DSCAM: variants seen among roughly 807,000 people sequenced by gnomAD.
DSCAM encodes DS cell adhesion molecule, also known as cell adhesion molecule DSCAM.
A neutral mutation model predicts 217.7 loss-of-function variants in DSCAM; 47 were observed. The ratio of observed to expected loss-of-function variants is 0.22; its 90% CI spans 0.17 to 0.28. DSCAM has a LOEUF of 0.28. Among genes scored for constraint, DSCAM ranks in the 10% least tolerant of loss-of-function variants. The pLI is 1.00. For missense variants in DSCAM, 2,080 were observed against 2,618.3 expected, an observed-to-expected ratio of 0.79 and a Z score of 4.49; for synonymous variants, 1,056 against 1,015.3, an observed-to-expected ratio of 1.04 and a Z score of -0.76.
intron 1 of DSCAM, among the ~76,000 whole-genome samples, chr21:40,750,509 TCA>T (rs1396116188): frequency 1.3e-5 from 2 of 152,136 alleles, no homozygotes; most frequent in African/African-American, 2.4e-5. Flanking sequence ...CTCTTTGTAC[TCA>T]CTCCCTTTCT....
intron 3 of DSCAM, among the ~76,000 whole-genome samples, chr21:40,563,727 T>C (rs1176440640): frequency 1.4e-5 from 2 of 147,260 alleles, no homozygotes; most frequent in Non-Finnish European, 3.0e-5. Flanking sequence ...TTTATATATG[T>C]TTATATGTTT....
intron 1 of DSCAM, among the ~76,000 whole-genome samples, chr21:40,828,657 T>TG: frequency 1.4e-5 from 1 of 71,206 alleles, no homozygotes; most frequent in East Asian, 4.5e-4. Context: ...CACCCCACCC[T>TG]CTTTTTTTTT....
intron 32 of DSCAM, among the ~76,000 whole-genome samples, chr21:40,018,798 C>T (rs1165198664): frequency 2.0e-5 from 3 of 152,208 alleles, no homozygotes; most frequent in Non-Finnish European, 4.4e-5. Context: ...ATGGAAACAG[C>T]TCAGTGTTAC....
At chr21:40,736,378 CA>C (rs1360658988) in intron 1 of DSCAM, among the ~76,000 whole-genome samples, 3 of 152,088 alleles carry the variant, frequency 2.0e-5, no homozygotes, top group Non-Finnish European at 4.4e-5. Context: ...CTCCAAAAGT[CA>C]GGGGGTAAGC....
At chr21:40,689,064 A>C (rs2090512869) in intron 3 of DSCAM, among the ~76,000 whole-genome samples, 1 of 152,102 alleles carries the variant, frequency 6.6e-6, no homozygotes. Context: ...CACTCATTAA[A>C]CCCTGACAAA....
At chr21:40,201,433 A>G (rs778984698) in intron 11 of DSCAM, among the ~76,000 whole-genome samples, 10 of 151,984 alleles carry the variant, frequency 6.6e-5, no homozygotes, top group Admixed American at 2.0e-4. Flanking sequence ...TTGCCCAATA[A>G]GAAAGCTTCT....
At chr21:40,593,244 A>C (rs2076996916) in intron 3 of DSCAM, among the ~76,000 whole-genome samples, 1 of 151,944 alleles carries the variant, frequency 6.6e-6, no homozygotes, top group South Asian at 2.1e-4. Flanking sequence ...ATAAAGGCCA[A>C]ACTCCTAGAC....
At chr21:40,794,895 A>AG (rs1317488615) in intron 1 of DSCAM, among the ~76,000 whole-genome samples, 14 of 142,858 alleles carry the variant, frequency 9.8e-5, no homozygotes, top group Admixed American at 7.9e-4. Context: ...ATTGAAAAAA[A>AG]AAAAGTACCT....
chr21:40,252,733 A>C (rs1299250924), intron 11 of DSCAM, among the ~76,000 whole-genome samples: 1 of 152,170 alleles, frequency 6.6e-6, no homozygotes, highest in Non-Finnish European at 1.5e-5. Flanking sequence ...TCAAAGTATC[A>C]CATCCTTAAA....
At chr21:40,544,544 C>A (rs2076566570) in intron 3 of DSCAM, among the ~76,000 whole-genome samples, 1 of 152,096 alleles carries the variant, frequency 6.6e-6, no homozygotes, top group Admixed American at 6.5e-5. Context: ...GGCACAGATT[C>A]AAGTGATACG....
At chr21:40,476,929 A>G (rs2145979051) in intron 3 of DSCAM, among the ~76,000 whole-genome samples, 1 of 152,310 alleles carries the variant, frequency 6.6e-6, no homozygotes, top group South Asian at 2.1e-4. Context: ...TGTGACCATA[A>G]TTTTGCAAGC....
chr21:40,709,047 CCT>C (rs2090748803), intron 1 of DSCAM, among the ~76,000 whole-genome samples: 1 of 152,104 alleles, frequency 6.6e-6, no homozygotes, highest in African/African-American at 2.4e-5. Context: ...TGCCCCAAAC[CCT>C]GTTCTCTCCC....
At chr21:40,301,596 A>G (rs923396503) in intron 9 of DSCAM, among the ~76,000 whole-genome samples, 2 of 152,214 alleles carry the variant, frequency 1.3e-5, no homozygotes, top group Non-Finnish European at 2.9e-5. Context: ...TACTTACCAT[A>G]GCCTTTATTA....
chr21:40,788,373 G>C (rs1220978783), intron 1 of DSCAM, among the ~76,000 whole-genome samples: 1 of 152,114 alleles, frequency 6.6e-6, no homozygotes, highest in African/African-American at 2.4e-5. Flanking sequence ...GTTCCCCTTT[G>C]TGTTAAAGTG....
In DSCAM at chr21:40,358,193, A is replaced by C. The variant is rs73902159; in HGVS notation, c.656-4450T>G. On this transcript the variant is annotated intron_variant, in intron 4 of 32. Coordinates refer to ENST00000400454, the MANE Select transcript of DSCAM (RefSeq NM_001389.5). ...TAAAAAATCAACTCTCAATGACTGC[A>C]CTTAAAAAGTTTTATTCTAACTGAA... Among the ~76,000 whole-genome samples, 1,454 of 152,322 alleles carry C rather than the reference A, an allele frequency of 9.5e-3. 17 individuals are homozygous for C. The highest frequency in any genetic ancestry group is 0.033 in the African/African-American group (1,387 of 41,582).
intron 3 of DSCAM, among the ~76,000 whole-genome samples, chr21:40,407,026 A>C (rs1042993326): frequency 1.3e-5 from 2 of 152,188 alleles, no homozygotes; most frequent in Admixed American, 6.5e-5. Context: ...AAAGAATATA[A>C]ACTTTCAGTT....
chr21:40,275,823 T>A (rs2073679040), intron 11 of DSCAM, among the ~76,000 whole-genome samples: 1 of 152,248 alleles, frequency 6.6e-6, no homozygotes, highest in East Asian at 1.9e-4. Context: ...CCAGAGCCCA[T>A]ACCAATGGCT....
chr21:40,276,056 G>C, intron 11 of DSCAM, 41 bp downstream of exon 11: 6 of 1,497,100 alleles, frequency 4.0e-6, no homozygotes, highest in Non-Finnish European at 5.4e-6. Context: ...AGAGACCTAT[G>C]TATTTAAACT....
intron 3 of DSCAM, among the ~76,000 whole-genome samples, chr21:40,624,525 G>A (rs2089571908): frequency 6.6e-6 from 1 of 152,162 alleles, no homozygotes; most frequent in Non-Finnish European, 1.5e-5. Context: ...AGTGGGGTGA[G>A]AGGCACCTGG....
Sources: gnomAD v4.1 joint callset for allele counts (sites outside exome capture counted in the v4.1 genomes callset) on GRCh38, gnomAD v4.1.1 for gene constraint, MANE v1.5 for transcripts, NCBI Gene and HGNC (gene_info 2026-07-23, HGNC 2026-07-21) for gene names.